The following EXOC4 variants were observed in gnomAD, a reference collection of about 807,000 sequenced individuals.
The protein encoded by EXOC4 is exocyst complex component 4.
Under a neutral mutation model 107.2 loss-of-function variants are expected in EXOC4, and 71 were observed. The observed-to-expected ratio is 0.66, with a 90% CI of 0.55 to 0.81. The LOEUF is 0.81. Among genes scored for constraint, EXOC4 ranks in the 30% least tolerant of loss-of-function variants. The pLI is 0.00. For missense variants in EXOC4, 1,108 were observed against 1,189.6 expected (o/e 0.93, Z 1.01); for synonymous variants, 456 against 441.2 (o/e 1.03, Z -0.42).
At chr7:133,985,046 A>G (rs1193195255) in intron 14 of EXOC4, among the ~76,000 whole-genome samples, 1 of 152,150 alleles carries the variant, frequency 6.6e-6, no homozygotes, top group Non-Finnish European at 1.5e-5. Context: ...GACATCTAAG[A>G]CATTAAGCTG....
Position 134,064,541 on chromosome 7 carries a change from C to A in EXOC4, c.*13C>A, listed in dbSNP as rs765209004. On this transcript the variant is annotated 3_prime_UTR_variant, in exon 18 of 18. Coordinates refer to ENST00000253861, the MANE Select transcript of EXOC4 (RefSeq NM_021807.4). Reference sequence around the variant, plus strand: ...AACTACCGTTTAGCAGGGCGTACTGCGGTTGGTGACGGGGGTCCCCTCAGT... The same window carrying A: ...AACTACCGTTTAGCAGGGCGTACTGAGGTTGGTGACGGGGGTCCCCTCAGT... The A allele has an allele frequency of 5.9e-6, 9 of 1,529,352 alleles. No homozygotes were observed. In the East Asian group the frequency reaches 1.4e-4, roughly 24 times the overall value. 94.7% of individuals were successfully genotyped at this position (1,529,352 alleles called of 1,614,324 possible). A position where few individuals can be genotyped will look rare whatever the true frequency, so the allele number is the denominator to read the frequency against.
At chr7:133,476,353 T>C (rs184079290) in intron 8 of EXOC4, among the ~76,000 whole-genome samples, 4 of 152,292 alleles carry the variant, frequency 2.6e-5, no homozygotes, top group Admixed American at 6.5e-5. Flanking sequence ...AGAAGGAGGA[T>C]TTAAATCCTG....
rs982324331 is a variant in EXOC4 at position 133,877,824 on chromosome 7, A to G, written c.1735-17775A>G. On this transcript the variant is annotated intron_variant, in intron 11 of 17. Transcript: ENST00000253861. ...CTCTTTGCGAAGCTCCCCACTCTTC[A>G]GTATTTTGCCACAGTAGACTGTAGC... Among the ~76,000 whole-genome samples, 3 of 152,160 alleles carry G rather than the reference A, an allele frequency of 2.0e-5. No individual in the cohort carries two copies. The South Asian group carries it at 6.2e-4, about 32-fold the overall frequency.
chr7:133,525,199 T>C (rs1004234422), intron 9 of EXOC4, among the ~76,000 whole-genome samples: 4 of 152,148 alleles, frequency 2.6e-5, no homozygotes, highest in Non-Finnish European at 5.9e-5. Flanking sequence ...ACTCCTGATA[T>C]TGTGTTTGCT....
chr7:133,896,626 A>G (rs73156915), intron 12 of EXOC4, among the ~76,000 whole-genome samples: 21,021 of 150,980 alleles, frequency 0.14, 1,668 homozygotes, highest in African/African-American at 0.2. Context: ...AAGCAATAAG[A>G]CAGTTGCCCC....
intron 2 of EXOC4, among the ~76,000 whole-genome samples, chr7:133,279,858 T>A (rs1197369443): frequency 6.6e-6 from 1 of 152,196 alleles, no homozygotes; most frequent in Non-Finnish European, 1.5e-5. Flanking sequence ...ATATATTGAT[T>A]TACATTATAT....
chr7:133,374,947 A>G lies in EXOC4; in HGVS notation c.1127A>G (p.Asp376Gly). ...TVVTPLTQQE[D>G]IKLYDMADVW... ...GTGACTCCACTGACTCAGCAGGAAG[A>G]TATCAAACTGTATGATATGGCAGAT... The change falls in exon 7 of 18, where the codon GAT (aspartate) becomes GGT (glycine). Residue 376 changes from aspartate (D) to glycine (G), a missense_variant. Coordinates refer to ENST00000253861, the MANE Select transcript of EXOC4 (RefSeq NM_021807.4). 5.0e-6 allele frequency: 8 copies of G among 1,614,148 alleles called. No individual in the cohort carries two copies. Among genetic ancestry groups the G allele is most frequent in the African/African-American group, 1.3e-5 (1 of 75,054 alleles).
intron 14 of EXOC4, among the ~76,000 whole-genome samples, chr7:133,985,724 A>G (rs896754914): frequency 1.3e-5 from 2 of 152,150 alleles, no homozygotes. Flanking sequence ...TTAGACATTC[A>G]TCTCTATATT....
At chr7:133,938,559 A>G (rs1330626118) in intron 14 of EXOC4, among the ~76,000 whole-genome samples, 1 of 152,214 alleles carries the variant, frequency 6.6e-6, no homozygotes, top group Non-Finnish European at 1.5e-5. Flanking sequence ...ATTCTGGAAA[A>G]AAGATGGCTA....
rs117713885 is a variant in EXOC4, at chr7:133,822,218, T to A, written c.1734+4674T>A. On this transcript the variant is annotated intron_variant, in intron 11 of 17. Coordinates refer to ENST00000253861, the MANE Select transcript of EXOC4 (RefSeq NM_021807.4). ...TCTGAACACGGAGTTCTGGAAACAG[T>A]CCATTGAAGTGGATACCATCTCATG... Among the ~76,000 whole-genome samples the A allele has an allele frequency of 6.5e-3, 992 of 152,288 alleles. 4 individuals carry two copies. Among genetic ancestry groups the A allele is most frequent in the Non-Finnish European group, 0.011 (777 of 68,014 alleles).
chr7:133,328,056 A>G (rs769402507), intron 5 of EXOC4, among the ~76,000 whole-genome samples: 20 of 152,240 alleles, frequency 1.3e-4, no homozygotes, highest in East Asian at 9.6e-4. Context: ...GTCTCCAACT[A>G]TTATTGTGTG....
At chr7:133,537,185 C>T (rs985527940) in intron 9 of EXOC4, among the ~76,000 whole-genome samples, 1 of 151,632 alleles carries the variant, frequency 6.6e-6, no homozygotes, top group Admixed American at 6.6e-5. Flanking sequence ...GAGTCTCACT[C>T]TGTCGCCCAA....
At chr7:133,723,294 A>C (rs1423058837) in intron 10 of EXOC4, among the ~76,000 whole-genome samples, 1 of 152,196 alleles carries the variant, frequency 6.6e-6, no homozygotes, top group Admixed American at 6.5e-5. Flanking sequence ...AGTTTCTGCT[A>C]AACCTTGAGC....
At chr7:133,558,240 T>TCTTTTCTTTC (rs1268521094) in intron 9 of EXOC4, among the ~76,000 whole-genome samples, 3 of 150,524 alleles carry the variant, frequency 2.0e-5, no homozygotes, top group African/African-American at 7.4e-5. Context: ...TCTTTTCTTT[T>TCTTTTCTTTC]CTTTTCTTTT....
rs1795029883 is a variant in EXOC4, at chr7:133,256,817, AG to A, written c.86+3631del. Reference sequence around the variant, plus strand: ...GGATAAGGGTTTGACTTAAGGACAGAGTATGTGTAGGCATGGGGAATATCCG... The same window carrying A: ...GGATAAGGGTTTGACTTAAGGACAGATATGTGTAGGCATGGGGAATATCCG... On this transcript the variant is annotated intron_variant, in intron 1 of 17. Transcript: ENST00000253861. 2.0e-5 allele frequency among the ~76,000 whole-genome samples: 3 copies of A among 151,782 alleles called. No homozygotes were observed. The South Asian group carries it at 6.4e-4, about 32-fold the overall frequency.
intron 7 of EXOC4, among the ~76,000 whole-genome samples, chr7:133,472,640 A>G (rs1486740232): frequency 6.6e-6 from 1 of 152,208 alleles, no homozygotes; most frequent in Non-Finnish European, 1.5e-5. Flanking sequence ...ACATTGTGAT[A>G]AAGGGAACAG....
intron 7 of EXOC4, among the ~76,000 whole-genome samples, chr7:133,465,533 T>C (rs1288379100): frequency 3.9e-5 from 6 of 152,140 alleles, no homozygotes; most frequent in African/African-American, 1.4e-4. Context: ...GCAACACTAT[T>C]AACCACCCTG....
chr7:133,855,114 A>AAATAT (rs1798336705), intron 11 of EXOC4, among the ~76,000 whole-genome samples: 19 of 91,494 alleles, frequency 2.1e-4, no homozygotes, highest in Non-Finnish European at 1.4e-4. Context: ...AATATATATA[A>AAATAT]ATATATATAT....
chr7:133,253,119 T>C lies in EXOC4; in HGVS notation c.18T>C (p.Ala6=). The part of the protein sequence containing the change: MAAEA[A]GGKYRSTVSK... ...CGTCCAAGATGGCGGCAGAAGCAGC[T>C]GGTGGGAAATACAGAAGCACAGTCA... The change falls in exon 1 of 18, where the codon GCT becomes GCC. Residue 6 remains alanine (A), a synonymous_variant. Coordinates refer to ENST00000253861, the MANE Select transcript of EXOC4 (RefSeq NM_021807.4). 6.2e-7 allele frequency: 1 copy of C among 1,614,106 alleles called. No homozygotes were observed.
Sources: allele counts gnomAD v4.1 joint callset (sites outside exome capture counted in the v4.1 genomes callset), GRCh38; gene constraint gnomAD v4.1.1; transcripts MANE v1.5; gene names NCBI Gene and HGNC (gene_info 2026-07-23, HGNC 2026-07-21).